Variants in ZNF536 observed in about 807,000 individuals in gnomAD.
The protein encoded by ZNF536 is zinc finger protein 536.
In ZNF536, 13 loss-of-function variants were observed where a neutral mutation model predicts 84.5. The observed-to-expected ratio is 0.15, with a 90% CI of 0.10 to 0.24. The LOEUF (loss-of-function observed/expected upper bound fraction) is 0.24. Among genes scored for constraint, ZNF536 ranks in the 10% least tolerant of loss-of-function variants. The probability of loss-of-function intolerance (pLI) is 1.00; values close to 1 mark genes in which losing one functional copy is unlikely to be tolerated. For synonymous variants in ZNF536, 811 were observed against 742.5 expected (o/e 1.09, Z -1.50); for missense variants, 1,536 against 1,747.5 (o/e 0.88, Z 2.16).
chr19:30,527,554 A>G (rs1379907069), intron 2 of ZNF536, among the ~76,000 whole-genome samples: 1 of 152,052 alleles, frequency 6.6e-6, no homozygotes, highest in African/African-American at 2.4e-5. Context: ...ACTGTTTAAC[A>G]TGACTATATA....
chr19:30,673,688 T>C (rs946832263), intron 1 of ZNF536, among the ~76,000 whole-genome samples: 1 of 152,130 alleles, frequency 6.6e-6, no homozygotes, highest in East Asian at 1.9e-4. Context: ...TTCCTGCCTC[T>C]GGGGCACACA....
At chr19:30,306,396 T>C (rs557126329) in intron 2 of ZNF536, among the ~76,000 whole-genome samples, 2 of 152,320 alleles carry the variant, frequency 1.3e-5, no homozygotes, top group Non-Finnish European at 2.9e-5. Flanking sequence ...CTCTTTTCTC[T>C]GCTTATTCAT....
In ZNF536 at chr19:30,497,813, G is replaced by A. The variant is rs141621181; in HGVS notation, c.2171-37034G>A. ...GGTGTGTGTGTGTGTACATTCTCAC[G>A]CTTGTCATGCAGAAATTCAGCCTGT... On this transcript the variant is annotated intron_variant, in intron 2 of 4. Transcript: ENST00000355537. Among the ~76,000 whole-genome samples the A allele has an allele frequency of 2.2e-3, 337 of 152,138 alleles. 1 individual carries two copies. The highest frequency in any genetic ancestry group is 7.5e-3 in the African/African-American group (310 of 41,466).
chr19:30,467,303 C>G (rs978300623), intron 2 of ZNF536, among the ~76,000 whole-genome samples: 5 of 152,190 alleles, frequency 3.3e-5, no homozygotes, highest in African/African-American at 4.8e-5. Context: ...TTGGCAACCA[C>G]CCTTCTACTT....
chr19:30,521,072 CT>C (rs1268698916), intron 2 of ZNF536, among the ~76,000 whole-genome samples: 3 of 152,230 alleles, frequency 2.0e-5, no homozygotes, highest in Non-Finnish European at 4.4e-5. Context: ...AGTGATCCAA[CT>C]TTACCAACAA....
intron 1 of ZNF536, among the ~76,000 whole-genome samples, chr19:30,645,239 T>C (rs556661290): frequency 6.6e-6 from 1 of 152,240 alleles, no homozygotes; most frequent in Non-Finnish European, 1.5e-5. Flanking sequence ...TGTAAATTTG[T>C]TGGAGTTCAT....
At chr19:30,299,136 C>T (rs2046099740) in intron 2 of ZNF536, among the ~76,000 whole-genome samples, 1 of 152,146 alleles carries the variant, frequency 6.6e-6, no homozygotes, top group Admixed American at 6.5e-5. Flanking sequence ...ATTTTAATCA[C>T]CTTGGATGCT....
chr19:30,669,058 C>T (rs956467522), intron 1 of ZNF536, among the ~76,000 whole-genome samples: 5 of 152,210 alleles, frequency 3.3e-5, no homozygotes, highest in Non-Finnish European at 7.3e-5. Flanking sequence ...GGCCCCTGCC[C>T]CTGGAACTAT....
chr19:30,576,605 G>C (rs2046746322), intron 1 of ZNF536, among the ~76,000 whole-genome samples: 1 of 152,224 alleles, frequency 6.6e-6, no homozygotes, highest in African/African-American at 2.4e-5. Context: ...TGGACAGCCA[G>C]GTTCTGTTCC....
chr19:30,244,270 T>A (rs772164639), intron 1 of ZNF536, among the ~76,000 whole-genome samples: 53 of 151,880 alleles, frequency 3.5e-4, no homozygotes, highest in Non-Finnish European at 6.2e-4. Flanking sequence ...TTACCCCGAG[T>A]TCTTCATAGA....
chr19:30,594,053 A>G (rs2047364046), intron 1 of ZNF536, among the ~76,000 whole-genome samples: 1 of 152,206 alleles, frequency 6.6e-6, no homozygotes, highest in South Asian at 2.1e-4. Flanking sequence ...CCATGGGGCT[A>G]CCAAGAGCTG....
rs947960936 is a variant in ZNF536, at chr19:30,557,433, A to G, written c.*269A>G. 2.8e-6 allele frequency: 1 copy of G among 354,108 alleles called. No homozygotes were observed. Among genetic ancestry groups the G allele is most frequent in the Admixed American group, 4.6e-5 (1 of 21,612 alleles). The allele number at this position is 354,108 out of a possible 1,614,324, so 21.9% of individuals were successfully genotyped here. A position where few individuals can be genotyped will look rare whatever the true frequency, so the allele number is the denominator to read the frequency against. ...AGGCTTAGTAACTTGAGCAGGAGAG[A>G]AAACTCCCTCAAAGTCATAAATCCT... On this transcript the variant is annotated 3_prime_UTR_variant, in exon 5 of 5. Coordinates refer to ENST00000355537, the MANE Select transcript of ZNF536 (RefSeq NM_014717.3).
At chr19:30,492,934 T>A (rs922022158) in intron 2 of ZNF536, among the ~76,000 whole-genome samples, 1 of 152,126 alleles carries the variant, frequency 6.6e-6, no homozygotes, top group Non-Finnish European at 1.5e-5. Context: ...GCCCAACATT[T>A]GCAAGACACA....
At chr19:30,632,520 C>T (rs528375815) in intron 1 of ZNF536, among the ~76,000 whole-genome samples, 30 of 152,206 alleles carry the variant, frequency 2.0e-4, no homozygotes, top group African/African-American at 5.8e-4. Context: ...GCAGGAGAAT[C>T]GCTTGAACCT....
intron 2 of ZNF536, among the ~76,000 whole-genome samples, chr19:30,519,928 T>C (rs2044250013): frequency 6.6e-6 from 1 of 152,198 alleles, no homozygotes; most frequent in African/African-American, 2.4e-5. Context: ...CTCTGAGAAA[T>C]GTCCTGAAGG....
chr19:30,590,548 T>C (rs752804097), intron 1 of ZNF536, among the ~76,000 whole-genome samples: 34 of 152,206 alleles, frequency 2.2e-4, no homozygotes, highest in Non-Finnish European at 4.3e-4. Context: ...AAAGGTCCTA[T>C]GGATTTTAAC....
At chr19:30,401,534 A>G (rs938212200) in intron 1 of ZNF536, among the ~76,000 whole-genome samples, 1 of 152,200 alleles carries the variant, frequency 6.6e-6, no homozygotes, top group African/African-American at 2.4e-5. Flanking sequence ...TTCCCCAGAC[A>G]CTACTGTTTT....
chr19:30,606,155 AAAAATAAAATAAAATAAATAAAAT>A (rs2047859833), intron 1 of ZNF536, among the ~76,000 whole-genome samples: 1 of 125,356 alleles, frequency 8.0e-6, no homozygotes, highest in Admixed American at 8.3e-5. Context: ...CCTCATCTCT[AAAAATAAAATAAAATAAATAAAAT>A]AAAATAAAAT....
chr19:30,674,566 T>C (rs2050684920), intron 1 of ZNF536, among the ~76,000 whole-genome samples: 1 of 152,114 alleles, frequency 6.6e-6, no homozygotes, highest in African/African-American at 2.4e-5. Context: ...AGGTGGGCAG[T>C]TGGAGTTTTG....
Sources: allele counts gnomAD v4.1 joint callset (sites outside exome capture counted in the v4.1 genomes callset), GRCh38; gene constraint gnomAD v4.1.1; transcripts MANE v1.5; gene names NCBI Gene and HGNC (gene_info 2026-07-23, HGNC 2026-07-21).